Variants in PTPRD observed in about 807,000 individuals in gnomAD.
PTPRD encodes protein tyrosine phosphatase receptor type D.
Under a neutral mutation model 214.5 loss-of-function variants are expected in PTPRD, and 34 were observed. The ratio of observed to expected loss-of-function variants is 0.16; its 90% confidence interval spans 0.12 to 0.21. The LOEUF (loss-of-function observed/expected upper bound fraction) is 0.21, where lower values mean the gene tolerates loss of function less well. Among genes scored for constraint, PTPRD ranks in the 10% least tolerant of loss-of-function variants. The pLI is 1.00. For missense variants in PTPRD, 2,545 were observed against 2,398.7 expected (o/e 1.06, Z -1.27); for synonymous variants, 1,128 against 845.7 (o/e 1.33, Z -5.79).
chr9:9,544,630 A>G (rs2078352385), intron 8 of PTPRD, among the ~76,000 whole-genome samples: 1 of 151,772 alleles, frequency 6.6e-6, no homozygotes, highest in South Asian at 2.1e-4. Context: ...AAATATTTTA[A>G]TATCTACATG....
intron 39 of PTPRD, among the ~76,000 whole-genome samples, chr9:8,370,068 C>T (rs752863227): frequency 4.6e-5 from 7 of 151,846 alleles, no homozygotes; most frequent in South Asian, 2.1e-4. Flanking sequence ...AAGACTAAGA[C>T]GATATAGGAA....
At chr9:8,389,439 G>A (rs200534549) in intron 36 of PTPRD, 32 bp from the exon 37 acceptor site, 9 of 1,568,306 alleles carry the variant, frequency 5.7e-6, no homozygotes, top group Middle Eastern at 1.7e-4. Context: ...TCAACCAGGT[G>A]AGCACATCAC....
chr9:9,303,977 T>C (rs1045009023), intron 9 of PTPRD, among the ~76,000 whole-genome samples: 2 of 152,158 alleles, frequency 1.3e-5, no homozygotes, highest in East Asian at 1.9e-4. Flanking sequence ...TAACATTTGT[T>C]CCTACTTCTT....
At chr9:8,571,193 T>C (rs1019403634) in intron 14 of PTPRD, among the ~76,000 whole-genome samples, 2 of 152,126 alleles carry the variant, frequency 1.3e-5, no homozygotes, top group African/African-American at 2.4e-5. Flanking sequence ...AGCAAACTTC[T>C]CTTTTAACAC....
intron 5 of PTPRD, among the ~76,000 whole-genome samples, chr9:9,783,493 A>G (rs1457927794): frequency 1.3e-5 from 2 of 152,140 alleles, no homozygotes; most frequent in East Asian, 1.9e-4. Context: ...TGTAATGTGA[A>G]ACGATGGCAC....
chr9:10,519,472 G>A (rs1008098262), intron 2 of PTPRD, among the ~76,000 whole-genome samples: 1 of 151,896 alleles, frequency 6.6e-6, no homozygotes, highest in African/African-American at 2.4e-5. Flanking sequence ...CAAACAAAAT[G>A]TTTGGCAGAA....
intron 5 of PTPRD, among the ~76,000 whole-genome samples, chr9:9,798,202 A>C (rs2099016245): frequency 6.6e-6 from 1 of 151,964 alleles, no homozygotes; most frequent in Non-Finnish European, 1.5e-5. Flanking sequence ...TAGGGGAGGA[A>C]ACCTTTATTC....
intron 9 of PTPRD, among the ~76,000 whole-genome samples, chr9:9,185,974 A>G (rs1318025915): frequency 6.6e-6 from 1 of 151,950 alleles, no homozygotes; most frequent in East Asian, 1.9e-4. Flanking sequence ...GACAACAAAA[A>G]CTATTTAACA....
chr9:9,277,608 C>T (rs1464044664), intron 9 of PTPRD, among the ~76,000 whole-genome samples: 1 of 151,218 alleles, frequency 6.6e-6, no homozygotes, highest in Non-Finnish European at 1.5e-5. Context: ...ATCTGTGACC[C>T]TCTCAAAATA....
At chr9:9,225,426 G>A (rs1214324112) in intron 9 of PTPRD, among the ~76,000 whole-genome samples, 1 of 151,946 alleles carries the variant, frequency 6.6e-6, no homozygotes, top group African/African-American at 2.4e-5. Flanking sequence ...CACTATATAA[G>A]AAGATGAACA....
intron 2 of PTPRD, among the ~76,000 whole-genome samples, chr9:10,406,503 T>C (rs1054872233): frequency 6.6e-6 from 1 of 151,510 alleles, no homozygotes; most frequent in Non-Finnish European, 1.5e-5. Context: ...CTTTGGAAAT[T>C]AGAAAAATGC....
At chr9:10,173,058 C>CA (rs2099220852) in intron 3 of PTPRD, among the ~76,000 whole-genome samples, 1 of 152,098 alleles carries the variant, frequency 6.6e-6, no homozygotes, top group Non-Finnish European at 1.5e-5. Flanking sequence ...ACAAATAATT[C>CA]ATATTACAGA....
Position 8,905,774 on chromosome 9 carries a change from T to C in PTPRD, c.-104+112923A>G, listed in dbSNP as rs1220771362. On this transcript the variant is annotated intron_variant, in intron 11 of 45. Coordinates refer to ENST00000381196, the MANE Select transcript of PTPRD (RefSeq NM_002839.4). ...AAAAAAATGGAGAGAGAGAAAAGAATTAGCCTACCCTTCTTCCATTGTAGG... is the reference window on the plus strand; with the variant it reads ...AAAAAAATGGAGAGAGAGAAAAGAACTAGCCTACCCTTCTTCCATTGTAGG... Among the ~76,000 whole-genome samples, 3 of 150,654 alleles carry C rather than the reference T, an allele frequency of 2.0e-5. No individual in the cohort carries two copies. In the East Asian group the frequency reaches 5.8e-4, roughly 29 times the overall value.
At chr9:10,573,854 G>A (rs1418786596) in intron 2 of PTPRD, among the ~76,000 whole-genome samples, 1 of 152,144 alleles carries the variant, frequency 6.6e-6, no homozygotes, top group Non-Finnish European at 1.5e-5. Flanking sequence ...TAAGAAAGAT[G>A]AGTAAGTGAA....
intron 14 of PTPRD, among the ~76,000 whole-genome samples, chr9:8,591,978 GT>G (rs2094140316): frequency 6.6e-6 from 1 of 152,114 alleles, no homozygotes; most frequent in South Asian, 2.1e-4. Flanking sequence ...CTAGCTGTTG[GT>G]TTTACAGAAT....
chr9:9,150,635 T>G (rs1161309838), intron 10 of PTPRD, among the ~76,000 whole-genome samples: 1 of 151,798 alleles, frequency 6.6e-6, no homozygotes, highest in Non-Finnish European at 1.5e-5. Context: ...CCTGCCCCCA[T>G]GCCCAGCTAA....
At chr9:8,697,953 G>C (rs2097961949) in intron 12 of PTPRD, among the ~76,000 whole-genome samples, 1 of 152,108 alleles carries the variant, frequency 6.6e-6, no homozygotes, top group Non-Finnish European at 1.5e-5. Context: ...TTAATTACAA[G>C]TGTCCATGGG....
In PTPRD at chr9:9,590,042, T is replaced by A. The variant is rs1193175134; in HGVS notation, c.-286-15261A>T. 2.6e-5 allele frequency among the ~76,000 whole-genome samples: 4 copies of A among 151,988 alleles called. No homozygotes were observed. In the East Asian group the frequency reaches 7.8e-4, roughly 29 times the overall value. On this transcript the variant is annotated intron_variant, in intron 7 of 45. Coordinates refer to ENST00000381196, the MANE Select transcript of PTPRD (RefSeq NM_002839.4). ...CTTTTGTATAAGAATGTAACTTCTT[T>A]TACTTAAAAGAAAGAGTACAAACAT...
At chr9:10,308,259 C>T (rs1205729976) in intron 3 of PTPRD, among the ~76,000 whole-genome samples, 2 of 151,996 alleles carry the variant, frequency 1.3e-5, no homozygotes, top group Non-Finnish European at 2.9e-5. Context: ...GAGATAGCAT[C>T]TGGCTTCATT....
Sources: gnomAD v4.1 joint callset for allele counts (sites outside exome capture counted in the v4.1 genomes callset) on GRCh38, gnomAD v4.1.1 for gene constraint, MANE v1.5 for transcripts, NCBI Gene and HGNC (gene_info 2026-07-23, HGNC 2026-07-21) for gene names.